The following HNF1A variants were observed in gnomAD, a reference collection of about 807,000 sequenced individuals.
HNF1A encodes HNF1 homeobox A.
HNF1A carries 21 observed loss-of-function variants against 62.2 expected under a neutral mutation model. That is an observed-to-expected ratio of 0.34 (90% CI 0.24 to 0.49). The LOEUF is 0.49. HNF1A is among the 20% of genes least tolerant of loss of function. The probability of loss-of-function intolerance (pLI) is 0.99; values close to 1 mark genes in which losing one functional copy is unlikely to be tolerated. For synonymous variants in HNF1A, 374 were observed against 366.8 expected (o/e 1.02, Z -0.22); for missense variants, 687 against 832.3 (o/e 0.83, Z 2.15).
rs369958885 is a variant in HNF1A at position 120,992,461 on chromosome 12, C to T, written c.527-1059C>T. ...CAGGCTAGTTTTGAACTTCCGGGCT[C>T]AAGTGATCCCTGCCTCAGCCTCTTA... On this transcript the variant is annotated intron_variant, in intron 2 of 9. Transcript: ENST00000257555. 3.9e-5 allele frequency among the ~76,000 whole-genome samples: 6 copies of T among 152,270 alleles called. No homozygotes were observed. In the South Asian group the frequency reaches 1.2e-3, roughly 32 times the overall value.
chr12:120,991,786 G>A (rs561033535), intron 2 of HNF1A, among the ~76,000 whole-genome samples: 2 of 152,326 alleles, frequency 1.3e-5, no homozygotes, highest in Admixed American at 6.5e-5. Flanking sequence ...TAATTTGTAT[G>A]AGAAGAAACA....
intron 2 of HNF1A, among the ~76,000 whole-genome samples, chr12:120,990,394 G>A (rs1473559337): frequency 6.6e-6 from 1 of 152,158 alleles, no homozygotes; most frequent in Admixed American, 6.5e-5. Flanking sequence ...CTCCCAAAGC[G>A]CTGGGATTAT....
At chr12:120,990,641 AGG>A (rs1876782217) in intron 2 of HNF1A, among the ~76,000 whole-genome samples, 1 of 99,806 alleles carries the variant, frequency 1.0e-5, no homozygotes, top group South Asian at 2.9e-4. Flanking sequence ...AAGATAGGAA[AGG>A]GAGGAAAGGT....
Position 121,001,300 on chromosome 12 carries a change from C to A in HNF1A, c.*108C>A. The A allele has an allele frequency of 7.4e-7, 1 of 1,356,780 alleles. No individual in the cohort carries two copies. Among genetic ancestry groups the A allele is most frequent in the Non-Finnish European group, 1.0e-6 (1 of 976,678 alleles). The allele number at this position is 1,356,780 out of a possible 1,614,324, so 84.0% of individuals were successfully genotyped here. On this transcript the variant is annotated 3_prime_UTR_variant, in exon 10 of 10. Coordinates refer to ENST00000257555, the MANE Select transcript of HNF1A (RefSeq NM_000545.8). ...GCCTGCCGAGCAACCGTGGCCCTTC[C>A]TGGACAGCTGTGCCTCGCTCCCCAC... is the stretch of plus-strand genomic sequence containing the variant.
chr12:120,999,578 C>G lies in HNF1A; in HGVS notation c.1719C>G (p.Ala573=). 2 of 1,612,554 alleles carry G rather than the reference C, an allele frequency of 1.2e-6. No individual in the cohort carries two copies. The highest frequency in any genetic ancestry group is 1.7e-6 in the Non-Finnish European group (2 of 1,179,688). Reference sequence around the variant, plus strand: ...TCCACGTCCCCAGCCAGGACCCTGCCAGCATCCAGCACCTGCAGCCGGCCC... The same window carrying G: ...TCCACGTCCCCAGCCAGGACCCTGCGAGCATCCAGCACCTGCAGCCGGCCC... ...TTLHVPSQDP[A]SIQHLQPAHR... The change falls in exon 9 of 10, where the codon GCC becomes GCG. Residue 573 remains alanine, a synonymous_variant. Transcript: ENST00000257555.
Position 121,001,204 on chromosome 12 carries a change from G to A in HNF1A, c.*12G>A. 1 of 1,613,692 alleles carries A rather than the reference G, an allele frequency of 6.2e-7. No homozygotes were observed. Among genetic ancestry groups the A allele is most frequent in the South Asian group, 1.1e-5 (1 of 91,044 alleles). On this transcript the variant is annotated 3_prime_UTR_variant, in exon 10 of 10. Coordinates refer to ENST00000257555, the MANE Select transcript of HNF1A (RefSeq NM_000545.8). ...CTTCCTCCCAGTAACCACGGCACCT[G>A]GGCCCTGGGGCCTGTACTGCCTGCT...
chr12:120,999,748 TGAGGAA>T, intron 9 of HNF1A, 121 bp downstream of exon 9: 1 of 1,286,514 alleles, frequency 7.8e-7, no homozygotes, highest in African/African-American at 1.5e-5. Flanking sequence ...AGGGCTGCTG[TGAGGAA>T]GCACTGGCAG....
chr12:120,979,143 C>A (rs1021001131), intron 1 of HNF1A, 49 bp downstream of exon 1: 7 of 1,504,992 alleles, frequency 4.7e-6, no homozygotes, highest in South Asian at 1.2e-5. Flanking sequence ...TAGAGGGGCC[C>A]CCCTCAGCTC....
At chr12:120,992,720 T>C (rs543471049) in intron 2 of HNF1A, among the ~76,000 whole-genome samples, 43 of 152,220 alleles carry the variant, frequency 2.8e-4, no homozygotes, top group African/African-American at 1.0e-3. Context: ...CACTTGAGCC[T>C]AAGAGTTCAA....
intron 4 of HNF1A, among the ~76,000 whole-genome samples, chr12:120,995,994 T>G (rs565564726): frequency 6.6e-6 from 1 of 152,232 alleles, no homozygotes; most frequent in Non-Finnish European, 1.5e-5. Context: ...TTCAGTTGTC[T>G]TCTACTGAGC....
intron 1 of HNF1A, among the ~76,000 whole-genome samples, chr12:120,982,462 G>T (rs994297952): frequency 2.0e-5 from 3 of 151,608 alleles, no homozygotes; most frequent in Admixed American, 6.6e-5. Context: ...ACGGCAGGAG[G>T]GGGGGGGGAC....
At chr12:120,980,657 C>T (rs56277135) in intron 1 of HNF1A, 5,051 of 152,366 alleles carry the variant, frequency 0.033, 277 homozygotes, top group African/African-American at 0.11. Flanking sequence ...GCTGAGTGAG[C>T]TCTCTCGGTC....
At position 121,001,443 on chromosome 12, in the gene HNF1A, T is replaced by G. The variant is rs943269582; in HGVS notation, c.*251T>G. ...GAGCAAAGCCTGTTCATGGCAGATG[T>G]AGGAGGGACTGTCGCTGCTTCGTGG... On this transcript the variant is annotated 3_prime_UTR_variant, in exon 10 of 10. Coordinates refer to ENST00000257555, the MANE Select transcript of HNF1A (RefSeq NM_000545.8). The G allele has an allele frequency of 1.3e-5, 7 of 542,576 alleles. No homozygotes were observed. The highest frequency in any genetic ancestry group is 2.3e-5 in the Non-Finnish European group (7 of 299,536). The allele number at this position is 542,576 out of a possible 1,614,324, so 33.6% of individuals were successfully genotyped here.
chr12:120,981,765 G>A (rs1216247815), intron 1 of HNF1A, among the ~76,000 whole-genome samples: 1 of 152,208 alleles, frequency 6.6e-6, no homozygotes. Context: ...GTCAAGACTT[G>A]TGATCATCTG....
intron 3 of HNF1A, 95 bp from the exon 4 acceptor site, chr12:120,994,069 C>T (rs962296816): frequency 2.2e-5 from 34 of 1,527,452 alleles, no homozygotes; most frequent in Non-Finnish European, 2.8e-5. Context: ...TCAAACCCTC[C>T]GGCAGAGCTC....
rs111934888 is a variant in HNF1A at position 120,985,483 on chromosome 12, GA to G, written c.327-3338del. ...CAACATAGCAAGACCCTGTCTCTAT[GA>G]AAAAAAAAAAATAGAAAAAAGAAGA... is the stretch of plus-strand genomic sequence containing the variant. On this transcript the variant is annotated intron_variant, in intron 1 of 9. Coordinates refer to ENST00000257555, the MANE Select transcript of HNF1A (RefSeq NM_000545.8). 1.4e-3 allele frequency among the ~76,000 whole-genome samples: 177 copies of G among 126,988 alleles called. 1 individual carries two copies. The highest frequency in any genetic ancestry group is 3.0e-3 in the African/African-American group (104 of 34,332). The allele number at this position is 126,988 out of a possible 152,430, so 83.3% of individuals were successfully genotyped here. A position where few individuals can be genotyped will look rare whatever the true frequency, so the allele number is the denominator to read the frequency against.
In HNF1A at chr12:121,000,914, G is replaced by A. The variant is rs56376158; in HGVS notation, c.1769-151G>A. On this transcript the variant is annotated intron_variant, in intron 9 of 9. Coordinates refer to ENST00000257555, the MANE Select transcript of HNF1A (RefSeq NM_000545.8). ...GCTGGGAGGCTCCCTTTGAAGAACCGAGGGTAGAGGTGTGACTTTGGGGTT... is the reference window on the plus strand; with the variant it reads ...GCTGGGAGGCTCCCTTTGAAGAACCAAGGGTAGAGGTGTGACTTTGGGGTT... 65 of 1,091,904 alleles carry A rather than the reference G, an allele frequency of 6.0e-5. No individual in the cohort carries two copies. The East Asian group carries it at 7.0e-4, about 12-fold the overall frequency. 67.6% of individuals were successfully genotyped at this position (1,091,904 alleles called of 1,614,324 possible).
At chr12:120,983,838 G>T (rs555388261) in intron 1 of HNF1A, among the ~76,000 whole-genome samples, 4 of 151,830 alleles carry the variant, frequency 2.6e-5, no homozygotes, top group East Asian at 1.9e-4. Flanking sequence ...GAGCCACCAC[G>T]CCCAGCCTTG....
intron 1 of HNF1A, among the ~76,000 whole-genome samples, chr12:120,982,131 G>A (rs1363419723): frequency 6.6e-6 from 1 of 152,118 alleles, no homozygotes; most frequent in Non-Finnish European, 1.5e-5. Context: ...AGTGCATGGC[G>A]CGATCTCGGC....
Sources: allele counts gnomAD v4.1 joint callset (sites outside exome capture counted in the v4.1 genomes callset), GRCh38; gene constraint gnomAD v4.1.1; transcripts MANE v1.5; gene names NCBI Gene and HGNC (gene_info 2026-07-23, HGNC 2026-07-21).